The following MDN1 variants were observed in gnomAD, a reference collection of about 807,000 sequenced individuals.
The protein encoded by MDN1 is midasin.
In MDN1, 266 loss-of-function variants were observed where a neutral mutation model predicts 669.2. That is an observed-to-expected ratio of 0.40 (90% CI 0.36 to 0.44). The LOEUF is 0.44. Ranked by LOEUF, MDN1 falls within the 20% of genes least tolerant of loss-of-function variation. The probability of loss-of-function intolerance (pLI) is 1.00; values close to 1 mark genes in which losing one functional copy is unlikely to be tolerated. For synonymous variants in MDN1, 2,385 were observed against 2,457.1 expected, an observed-to-expected ratio of 0.97 and a Z score of 0.87; for missense variants, 5,940 against 6,754.0, an observed-to-expected ratio of 0.88 and a Z score of 4.22.
chr6:89,645,888 A>C (rs1185896225), intron 100 of MDN1, among the ~76,000 whole-genome samples: 1 of 152,192 alleles, frequency 6.6e-6, no homozygotes, highest in East Asian at 1.9e-4. Flanking sequence ...AAAAGAACTA[A>C]ATAATTGGCA....
intron 1 of MDN1, 104 bp from the exon 2 acceptor site, chr6:89,803,658 T>C: frequency 2.4e-6 from 2 of 830,174 alleles, no homozygotes; most frequent in Non-Finnish European, 3.8e-6. Context: ...CTCAGCTCAC[T>C]GCAAGCTCCA....
intron 2 of MDN1, among the ~76,000 whole-genome samples, chr6:89,801,991 A>G (rs1767698442): frequency 6.6e-6 from 1 of 152,082 alleles, no homozygotes; most frequent in Non-Finnish European, 1.5e-5. Context: ...AATAATCAAC[A>G]CATAACGTGT....
At chr6:89,711,539 G>A (rs1365494825) in intron 49 of MDN1, among the ~76,000 whole-genome samples, 1 of 152,032 alleles carries the variant, frequency 6.6e-6, no homozygotes, top group Non-Finnish European at 1.5e-5. Context: ...GTCCACGTAT[G>A]TTGATGTCCC....
chr6:89,789,411 C>T (rs1332061722), intron 7 of MDN1, among the ~76,000 whole-genome samples: 1 of 152,198 alleles, frequency 6.6e-6, no homozygotes, highest in Non-Finnish European at 1.5e-5. Context: ...CACTAAGAAG[C>T]AGGATCTCAA....
rs780112955 is a variant in MDN1, at chr6:89,657,739, T to A, written c.15183+470A>T. 5.9e-5 allele frequency among the ~76,000 whole-genome samples: 9 copies of A among 152,332 alleles called. No individual in the cohort carries two copies. The East Asian group carries it at 1.7e-3, about 29-fold the overall frequency. ...GGAGGCATATAAAAATAAGTAGCAG[T>A]CATGTACCACACAACAACGTTTCAG... On this transcript the variant is annotated intron_variant, in intron 90 of 101. Transcript: ENST00000369393.
Position 89,723,047 on chromosome 6 carries a change from G to C in MDN1, c.5875C>G (p.Leu1959Val), listed in dbSNP as rs757221588. 5.6e-6 allele frequency: 9 copies of C among 1,613,962 alleles called. No individual in the cohort carries two copies. Among genetic ancestry groups the C allele is most frequent in the Non-Finnish European group, 7.6e-6 (9 of 1,179,980 alleles). The change falls in exon 40 of 102, where the codon CTG (leucine) becomes GTG (valine). Residue 1959 changes from leucine (L) to valine (V), a missense_variant. Transcript: ENST00000369393. Reference protein sequence around the residue: ...RDLFRWCQLMLVDQSPGCYDP... With the variant: ...RDLFRWCQLMVVDQSPGCYDP... ...TAACACCCAGGGGACTGGTCAACCA[G>C]CATCAACTGACACCAGCGGAAAAGG...
chr6:89,817,037 C>T, intron 1 of MDN1, among the ~76,000 whole-genome samples: 1 of 152,174 alleles, frequency 6.6e-6, no homozygotes. Context: ...AATGAACTCT[C>T]ACCCAATTGC....
chr6:89,772,527 T>C, intron 14 of MDN1, 46 bp downstream of exon 14: 1 of 1,583,518 alleles, frequency 6.3e-7, no homozygotes, highest in Non-Finnish European at 8.6e-7. Flanking sequence ...AAAAAAGTAG[T>C]CAGTGTGAAA....
chr6:89,815,061 G>C lies in MDN1; in HGVS notation c.102+4445C>G. 6.2e-6 allele frequency: 3 copies of C among 480,316 alleles called. 1 individual carries two copies. Among genetic ancestry groups the C allele is most frequent in the South Asian group, 3.7e-5 (2 of 54,632 alleles). The allele number at this position is 480,316 out of a possible 1,614,324, so 29.8% of individuals were successfully genotyped here. ...GGAAGAAAGGGGTACAAAAGGGAGA[G>C]CAGTGTCTCCCCAACTCACAGCCTG... On this transcript the variant is annotated intron_variant, in intron 1 of 101. Coordinates refer to ENST00000369393, the MANE Select transcript of MDN1 (RefSeq NM_014611.3).
At chr6:89,724,724 A>G (rs1234874284) in intron 38 of MDN1, among the ~76,000 whole-genome samples, 1 of 152,250 alleles carries the variant, frequency 6.6e-6, no homozygotes, top group African/African-American at 2.4e-5. Context: ...ATACACATAC[A>G]CAGGTACCCC....
chr6:89,777,117 C>A (rs1323913662), intron 11 of MDN1, among the ~76,000 whole-genome samples: 1 of 152,142 alleles, frequency 6.6e-6, no homozygotes, highest in Non-Finnish European at 1.5e-5. Flanking sequence ...ATTATCTTAA[C>A]CTAGTACTCA....
intron 33 of MDN1, among the ~76,000 whole-genome samples, chr6:89,736,181 C>T (rs1294208549): frequency 6.6e-6 from 1 of 152,080 alleles, no homozygotes; most frequent in Non-Finnish European, 1.5e-5. Flanking sequence ...CCTTATTCAC[C>T]ATGCTCCCCT....
At chr6:89,806,070 TA>T (rs1172437618) in intron 1 of MDN1, among the ~76,000 whole-genome samples, 2 of 152,160 alleles carry the variant, frequency 1.3e-5, no homozygotes, top group East Asian at 3.9e-4. Flanking sequence ...CCTAAGTAGC[TA>T]GGATTACAGG....
intron 8 of MDN1, among the ~76,000 whole-genome samples, chr6:89,786,130 G>A (rs551839255): frequency 2.0e-5 from 3 of 152,124 alleles, no homozygotes; most frequent in South Asian, 4.2e-4. Flanking sequence ...GGCGTGGTGC[G>A]TGCCTGTAGT....
Position 89,655,854 on chromosome 6 carries a change from G to T in MDN1, c.15400C>A (p.Pro5134Thr), listed in dbSNP as rs1562040313. Residue 5134 changes from proline (P) to threonine (T), a missense_variant, in exon 92 of 102, where the codon CCA becomes ACA. Transcript: ENST00000369393. Reference sequence around the variant, plus strand: ...ACCTGGGCCTGGGGCTGCTGAGCTGGCCCCTGCTCGGCATGGCTGTCCGTA... The same window carrying T: ...ACCTGGGCCTGGGGCTGCTGAGCTGTCCCCTGCTCGGCATGGCTGTCCGTA... ...VDTDSHAEQG[P>T]AQQPQAQVED... 1 of 1,613,958 alleles carries T rather than the reference G, an allele frequency of 6.2e-7. No individual in the cohort carries two copies.
At chr6:89,646,169 T>C (rs1808479698) in intron 100 of MDN1, among the ~76,000 whole-genome samples, 1 of 152,184 alleles carries the variant, frequency 6.6e-6, no homozygotes, top group Non-Finnish European at 1.5e-5. Flanking sequence ...CACTTTTGGT[T>C]GGAAAAACTC....
In MDN1 at chr6:89,799,138, C is replaced by G. The variant is rs555857086; in HGVS notation, c.329+4190G>C. Reference sequence around the variant, plus strand: ...TTTGGTCCCTCATTCTGCTGTATGGCCGCATGACTGGCCAAATACGGTACC... The same window carrying G: ...TTTGGTCCCTCATTCTGCTGTATGGGCGCATGACTGGCCAAATACGGTACC... On this transcript the variant is annotated intron_variant, in intron 2 of 101. Coordinates refer to ENST00000369393, the MANE Select transcript of MDN1 (RefSeq NM_014611.3). Among the ~76,000 whole-genome samples, 3 of 152,296 alleles carry G rather than the reference C, an allele frequency of 2.0e-5. No individual in the cohort carries two copies. In the East Asian group the frequency reaches 5.8e-4, roughly 29 times the overall value.
At chr6:89,804,708 C>G (rs1248129168) in intron 1 of MDN1, among the ~76,000 whole-genome samples, 2 of 152,088 alleles carry the variant, frequency 1.3e-5, no homozygotes, top group East Asian at 3.9e-4. Context: ...AAGTAGACAG[C>G]AACACTTTGA....
chr6:89,734,592 A>T (rs902276063), intron 33 of MDN1, among the ~76,000 whole-genome samples: 1 of 148,788 alleles, frequency 6.7e-6, no homozygotes, highest in Admixed American at 6.7e-5. Flanking sequence ...CCTGGGAGGC[A>T]GAAGTTGCAG....
Sources: gnomAD v4.1 joint callset for allele counts (sites outside exome capture counted in the v4.1 genomes callset) on GRCh38, gnomAD v4.1.1 for gene constraint, MANE v1.5 for transcripts, NCBI Gene and HGNC (gene_info 2026-07-23, HGNC 2026-07-21) for gene names.